FRAS1: variants seen among roughly 807,000 people sequenced by gnomAD.
The protein encoded by FRAS1 is Fraser extracellular matrix complex subunit 1, also known as extracellular matrix organizing protein FRAS1.
In FRAS1, 290 loss-of-function variants were observed where a neutral mutation model predicts 435.2. The observed-to-expected ratio is 0.67, with a 90% CI of 0.61 to 0.73. The LOEUF is 0.73. Among genes scored for constraint, FRAS1 ranks in the 30% least tolerant of loss-of-function variants. FRAS1 has a pLI of 0.00. For missense variants in FRAS1, 4,860 were observed against 5,001.5 expected, an observed-to-expected ratio of 0.97 and a Z score of 0.85; for synonymous variants, 1,800 against 1,851.0, an observed-to-expected ratio of 0.97 and a Z score of 0.71.
At chr4:78,477,030 A>C (rs1415922052) in intron 54 of FRAS1, among the ~76,000 whole-genome samples, 1 of 151,252 alleles carries the variant, frequency 6.6e-6, no homozygotes, top group African/African-American at 2.4e-5. Flanking sequence ...ATAAGTCCCT[A>C]TAAGTTCACA....
chr4:78,507,463 A>C lies in FRAS1; in HGVS notation c.9359A>C (p.Glu3120Ala), dbSNP rs906840275. 1.2e-6 allele frequency: 2 copies of C among 1,612,458 alleles called. No homozygotes were observed. The highest frequency in any genetic ancestry group is 1.3e-5 in the African/African-American group (1 of 74,852). Residue 3120 changes from glutamate to alanine, a missense_variant, in exon 62 of 74, where the codon GAA becomes GCA. Physicochemically the swap from Glu to Ala is moderately radical, Grantham distance 107 (BLOSUM62 -1). Transcript: ENST00000512123. ...IFFKVEILSN[E>A]DREWHESFSL... ...TTTAAAGTTGAGATCCTGTCCAATG[A>C]AGACCGGGAATGGCATGAATCTTTC...
At chr4:78,450,440 C>T in intron 45 of FRAS1, 101 bp downstream of exon 45, 1 of 950,142 alleles carries the variant, frequency 1.1e-6, no homozygotes, top group South Asian at 1.4e-5. Flanking sequence ...AAACTGTGCA[C>T]TCTTTGTTTT....
In FRAS1 at chr4:78,058,069, G is replaced by T. The variant is rs201628738; in HGVS notation, c.60G>T (p.Leu20Phe). 7.4e-6 allele frequency: 12 copies of T among 1,613,716 alleles called. No homozygotes were observed. Among genetic ancestry groups the T allele is most frequent in the Non-Finnish European group, 1.0e-5 (12 of 1,179,832 alleles). ...TAGCGTTGGCGGAATTTGCAGTATT[G>T]CCTCATCATTCCGAAGGTGAGAGAG... ...LALALAEFAV[L>F]PHHSEGACVY... The change falls in exon 1 of 74, where the codon TTG becomes TTT. Residue 20 changes from leucine (L) to phenylalanine (F), a missense_variant. Transcript: ENST00000512123.
Position 78,481,814 on chromosome 4 carries a change from G to A in FRAS1, c.8454G>A (p.Lys2818=). The A allele has an allele frequency of 6.2e-7, 1 of 1,613,856 alleles. No homozygotes were observed. The highest frequency in any genetic ancestry group is 8.5e-7 in the Non-Finnish European group (1 of 1,179,790). The change falls in exon 57 of 74, where the codon AAG becomes AAA. Residue 2818 remains lysine, a synonymous_variant. Coordinates refer to ENST00000512123, the MANE Select transcript of FRAS1 (RefSeq NM_025074.7). ...TGAATCTTAATTCAGGCACAGTAAA[G>A]ATTCCAGTTATCCGCCATGGTACTG... The part of the protein sequence containing the change: ...FTVSEDAGTV[K]IPVIRHGTDL...
At chr4:78,429,971 A>G (rs1195718827) in intron 36 of FRAS1, among the ~76,000 whole-genome samples, 1 of 152,182 alleles carries the variant, frequency 6.6e-6, no homozygotes, top group Non-Finnish European at 1.5e-5. Context: ...GATTTTCTGG[A>G]AGAAAATCTA....
intron 14 of FRAS1, among the ~76,000 whole-genome samples, chr4:78,287,512 A>G (rs574870629): frequency 1.1e-4 from 17 of 152,298 alleles, no homozygotes; most frequent in Admixed American, 3.3e-4. Context: ...ATGTCATGCC[A>G]GGGAGATGTG....
At chr4:78,194,467 G>C (rs932790489) in intron 2 of FRAS1, among the ~76,000 whole-genome samples, 7 of 152,058 alleles carry the variant, frequency 4.6e-5, no homozygotes, top group Non-Finnish European at 8.8e-5. Flanking sequence ...GGCTTTGCTC[G>C]TTTCTTTTTA....
chr4:78,396,240 A>G (rs1732657864), intron 29 of FRAS1, among the ~76,000 whole-genome samples: 1 of 152,208 alleles, frequency 6.6e-6, no homozygotes, highest in Admixed American at 6.5e-5. Context: ...ATTTTCTTCT[A>G]ACTTTTACAC....
At chr4:78,108,950 A>G (rs1213207964) in intron 2 of FRAS1, among the ~76,000 whole-genome samples, 1 of 97,676 alleles carries the variant, frequency 1.0e-5, no homozygotes, top group South Asian at 3.4e-4. Flanking sequence ...ACAAACTACC[A>G]TCAGAGAATA....
chr4:78,267,801 G>A (rs1036842421), intron 9 of FRAS1, among the ~76,000 whole-genome samples: 1 of 152,224 alleles, frequency 6.6e-6, no homozygotes, highest in African/African-American at 2.4e-5. Flanking sequence ...CCACAGGTGT[G>A]CTGGTGGCCG....
At chr4:78,122,788 T>C (rs1452426930) in intron 2 of FRAS1, among the ~76,000 whole-genome samples, 1 of 152,236 alleles carries the variant, frequency 6.6e-6, no homozygotes, top group African/African-American at 2.4e-5. Flanking sequence ...TTGAGAAGTG[T>C]CTGTTCATAT....
chr4:78,182,011 C>G, intron 2 of FRAS1: 1 of 1,546,474 alleles, frequency 6.5e-7, no homozygotes, highest in Non-Finnish European at 8.7e-7. Context: ...GGTTGGTGAC[C>G]ACACAGCCGA....
intron 22 of FRAS1, among the ~76,000 whole-genome samples, chr4:78,367,235 T>G (rs1731306367): frequency 6.6e-6 from 1 of 151,842 alleles, no homozygotes; most frequent in Non-Finnish European, 1.5e-5. Context: ...TGAGATCCTG[T>G]CTCTAGAAAA....
At chr4:78,226,777 C>T (rs1317256884) in intron 2 of FRAS1, among the ~76,000 whole-genome samples, 4 of 152,004 alleles carry the variant, frequency 2.6e-5, no homozygotes, top group Non-Finnish European at 5.9e-5. Flanking sequence ...TTTGTTTCCG[C>T]CCATTTCTGT....
chr4:78,097,687 C>T (rs144837072), intron 2 of FRAS1, among the ~76,000 whole-genome samples: 1 of 152,116 alleles, frequency 6.6e-6, no homozygotes, highest in Non-Finnish European at 1.5e-5. Context: ...AAAGACCTGC[C>T]CCCATCATTC....
intron 71 of FRAS1, among the ~76,000 whole-genome samples, 199 bp downstream of exon 71, chr4:78,534,814 T>A (rs565720211): frequency 4.6e-5 from 7 of 152,298 alleles, no homozygotes; most frequent in Non-Finnish European, 8.8e-5. Context: ...AATCACACAC[T>A]TGGCACTATA....
chr4:78,405,375 G>A (rs1733058995), intron 30 of FRAS1, among the ~76,000 whole-genome samples: 2 of 149,348 alleles, frequency 1.3e-5, no homozygotes. Context: ...CTTAGGAATG[G>A]AAGTTGAACC....
rs948317546 is a variant in FRAS1 at position 78,284,541 on chromosome 4, C to T, written c.1392C>T (p.Leu464=). Residue 464 remains leucine, a synonymous_variant, in exon 13 of 74, where the codon CTC becomes CTT. Coordinates refer to ENST00000512123, the MANE Select transcript of FRAS1 (RefSeq NM_025074.7). ...CGLGFYQAGS[L]CLACQPQCST... ...TGGGTTTTTACCAAGCTGGCAGTCTCTGTTTAGGTATGGCTCCAAGTGGAC... is the reference window on the plus strand; with the variant it reads ...TGGGTTTTTACCAAGCTGGCAGTCTTTGTTTAGGTATGGCTCCAAGTGGAC... The T allele has an allele frequency of 1.2e-6, 2 of 1,610,604 alleles. No individual in the cohort carries two copies. Among genetic ancestry groups the T allele is most frequent in the Middle Eastern group, 1.7e-4 (1 of 6,050 alleles).
intron 9 of FRAS1, among the ~76,000 whole-genome samples, chr4:78,272,520 T>A (rs575062734): frequency 6.6e-6 from 1 of 152,364 alleles, no homozygotes; most frequent in South Asian, 2.1e-4. Context: ...AGTTTCAGCC[T>A]TCTACATATG....
Sources: gnomAD v4.1 joint callset for allele counts (sites outside exome capture counted in the v4.1 genomes callset) on GRCh38, gnomAD v4.1.1 for gene constraint, MANE v1.5 for transcripts, NCBI Gene and HGNC (gene_info 2026-07-23, HGNC 2026-07-21) for gene names.